ZNF638: variants seen among roughly 807,000 people sequenced by gnomAD.
ZNF638 encodes zinc finger protein 638, also known as CTCL tumor antigen se33-1.
In ZNF638, 46 loss-of-function variants were observed where a neutral mutation model predicts 195.6. The observed-to-expected ratio is 0.24, with a 90% CI of 0.19 to 0.30. ZNF638 has a LOEUF of 0.30. Ranked by LOEUF, ZNF638 falls within the 10% of genes least tolerant of loss-of-function variation. ZNF638 has a pLI of 1.00. For synonymous variants in ZNF638, 845 were observed against 772.0 expected, an observed-to-expected ratio of 1.09 and a Z score of -1.57; for missense variants, 2,440 against 2,325.3, an observed-to-expected ratio of 1.05 and a Z score of -1.01.
intron 27 of ZNF638, chr2:71,433,621 TG>T (rs756646738): frequency 1.5e-4 from 26 of 175,088 alleles, no homozygotes; most frequent in Non-Finnish European, 2.6e-4. Flanking sequence ...GAATGAATCC[TG>T]GTTAACTTCA....
intron 2 of ZNF638, among the ~76,000 whole-genome samples, chr2:71,353,629 C>T (rs938364703): frequency 2.0e-5 from 3 of 152,130 alleles, no homozygotes; most frequent in African/African-American, 7.2e-5. Context: ...GTGTGTTGAA[C>T]TGAGAAGAGT....
chr2:71,363,919 G>T, intron 4 of ZNF638, 35 bp from the exon 5 acceptor site: 1 of 1,575,308 alleles, frequency 6.3e-7, no homozygotes, highest in Non-Finnish European at 8.6e-7. Flanking sequence ...ACATTAAATT[G>T]CTGATCACTT....
At chr2:71,364,803 G>A (rs138003025) in intron 5 of ZNF638, among the ~76,000 whole-genome samples, 1 of 152,228 alleles carries the variant, frequency 6.6e-6, no homozygotes, top group African/African-American at 2.4e-5. Context: ...ATTATATAAG[G>A]CATTCCTTCT....
chr2:71,339,602 T>G (rs1415305551), intron 1 of ZNF638, among the ~76,000 whole-genome samples: 1 of 152,232 alleles, frequency 6.6e-6, no homozygotes, highest in East Asian at 1.9e-4. Flanking sequence ...GACTGGATAT[T>G]GAATACCTTC....
At chr2:71,389,178 G>T in intron 10 of ZNF638, among the ~76,000 whole-genome samples, 1 of 152,000 alleles carries the variant, frequency 6.6e-6, no homozygotes, top group East Asian at 1.9e-4. Context: ...GGAAACAGAG[G>T]TTTTCCCTGA....
intron 10 of ZNF638, chr2:71,395,857 G>A (rs540735972): frequency 2.9e-4 from 140 of 490,572 alleles, no homozygotes; most frequent in African/African-American, 2.4e-3. Flanking sequence ...TGGAAATGGG[G>A]AATAATTCCT....
chr2:71,337,712 T>TA (rs2078694883), intron 1 of ZNF638, among the ~76,000 whole-genome samples: 1 of 152,216 alleles, frequency 6.6e-6, no homozygotes, highest in African/African-American at 2.4e-5. Flanking sequence ...CCTATAAAAT[T>TA]ATTCAGTCTA....
At chr2:71,385,104 T>C (rs955654892) in intron 10 of ZNF638, among the ~76,000 whole-genome samples, 8 of 152,176 alleles carry the variant, frequency 5.3e-5, no homozygotes, top group Admixed American at 5.2e-4. Flanking sequence ...TACACACCTA[T>C]CAGAATGGCT....
chr2:71,377,038 C>T lies in ZNF638; in HGVS notation c.2266-3184C>T, dbSNP rs931100119. Among the ~76,000 whole-genome samples, 4 of 152,046 alleles carry T rather than the reference C, an allele frequency of 2.6e-5. 1 individual carries two copies. Among genetic ancestry groups the T allele is most frequent in the South Asian group, 4.2e-4 (2 of 4,810 alleles). On this transcript the variant is annotated intron_variant, in intron 8 of 27. Coordinates refer to ENST00000264447, the MANE Select transcript of ZNF638 (RefSeq NM_014497.5). ...CTGTAATCCCAGCACTTTGGGAGGC[C>T]GAGGCAGGATGATTGCTTGAGCCCA...
intron 23 of ZNF638, among the ~76,000 whole-genome samples, chr2:71,425,718 G>A (rs1407330976): frequency 1.3e-5 from 2 of 152,026 alleles, no homozygotes; most frequent in African/African-American, 4.8e-5. Context: ...CCCCCAGGCT[G>A]GAGTGCAATG....
At chr2:71,361,152 A>G (rs184225552) in intron 3 of ZNF638, among the ~76,000 whole-genome samples, 61 of 152,260 alleles carry the variant, frequency 4.0e-4, no homozygotes, top group African/African-American at 1.5e-3. Flanking sequence ...TGGTAGAGAC[A>G]GGGTTGCCAA....
At chr2:71,421,356 T>G (rs1375296510) in intron 21 of ZNF638, among the ~76,000 whole-genome samples, 1 of 124,944 alleles carries the variant, frequency 8.0e-6, no homozygotes, top group Non-Finnish European at 1.6e-5. Context: ...AAAAGGGGTG[T>G]GATTATTTTA....
At chr2:71,343,924 A>T (rs1573021146) in intron 1 of ZNF638, among the ~76,000 whole-genome samples, 1 of 151,992 alleles carries the variant, frequency 6.6e-6, no homozygotes, top group African/African-American at 2.4e-5. Context: ...AGGTCAGGAG[A>T]TCGAGACCAT....
intron 23 of ZNF638, among the ~76,000 whole-genome samples, chr2:71,425,652 A>G (rs2152604910): frequency 6.6e-6 from 1 of 152,250 alleles, no homozygotes; most frequent in East Asian, 1.9e-4. Context: ...CTCAAAATGT[A>G]ACCATTATAT....
At chr2:71,381,576 C>T (rs1178381374) in intron 10 of ZNF638, among the ~76,000 whole-genome samples, 1 of 151,946 alleles carries the variant, frequency 6.6e-6, no homozygotes, top group Non-Finnish European at 1.5e-5. Flanking sequence ...CTATTGAAGG[C>T]CTTGAAGGGT....
At chr2:71,370,030 G>A (rs2079280244) in intron 8 of ZNF638, 25 bp downstream of exon 8, 1 of 1,576,162 alleles carries the variant, frequency 6.3e-7, no homozygotes, top group African/African-American at 1.4e-5. Flanking sequence ...GGTCTTAAAT[G>A]TTTTATCACT....
chr2:71,429,515 A>G (rs553816101), intron 25 of ZNF638, among the ~76,000 whole-genome samples: 24 of 152,190 alleles, frequency 1.6e-4, no homozygotes, highest in African/African-American at 5.8e-4. Flanking sequence ...GCCAACTTAT[A>G]TTTTGTTTTA....
At chr2:71,425,039 T>C (rs185036853) in intron 23 of ZNF638, among the ~76,000 whole-genome samples, 1 of 152,298 alleles carries the variant, frequency 6.6e-6, no homozygotes, top group Non-Finnish European at 1.5e-5. Flanking sequence ...AAAAAATTTA[T>C]ATATGTGAAA....
chr2:71,349,288 G>T lies in ZNF638; in HGVS notation c.334G>T (p.Ala112Ser), dbSNP rs147124716. 36 of 1,614,080 alleles carry T rather than the reference G, an allele frequency of 2.2e-5. No homozygotes were observed. Among genetic ancestry groups the T allele is most frequent in the Non-Finnish European group, 2.9e-5 (34 of 1,180,050 alleles). The change falls in exon 2 of 28, where the codon GCA becomes TCA. Residue 112 changes from alanine to serine, a missense_variant. Coordinates refer to ENST00000264447, the MANE Select transcript of ZNF638 (RefSeq NM_014497.5). ...SRWDDEPHISASVAVKQSSVT... is the reference protein window; with the variant it reads ...SRWDDEPHISSSVAVKQSSVT... ...GTGGGATGATGAGCCTCATATATCT[G>T]CATCAGTGGCAGTGAAACAGAGTTC...
Sources: allele counts gnomAD v4.1 joint callset (sites outside exome capture counted in the v4.1 genomes callset), GRCh38; gene constraint gnomAD v4.1.1; transcripts MANE v1.5; gene names NCBI Gene and HGNC (gene_info 2026-07-23, HGNC 2026-07-21).